Variants in LRRC4C observed in about 807,000 individuals in gnomAD.
The protein encoded by LRRC4C is leucine rich repeat containing 4C, also known as leucine-rich repeat-containing protein 4C.
A neutral mutation model predicts 33.6 loss-of-function variants in LRRC4C; 5 were observed. The ratio of observed to expected loss-of-function variants is 0.15; its 90% CI spans 0.08 to 0.31. The LOEUF is 0.31. LRRC4C is among the 10% of genes least tolerant of loss of function. The probability of loss-of-function intolerance (pLI) is 1.00; values close to 1 mark genes in which losing one functional copy is unlikely to be tolerated. For missense variants in LRRC4C, 560 were observed against 796.7 expected, an observed-to-expected ratio of 0.70 and a Z score of 3.58; for synonymous variants, 329 against 302.0, an observed-to-expected ratio of 1.09 and a Z score of -0.93.
intron 1 of LRRC4C, among the ~76,000 whole-genome samples, chr11:41,298,483 A>G (rs902326441): frequency 1.3e-5 from 2 of 152,128 alleles, no homozygotes; most frequent in Non-Finnish European, 2.9e-5. Context: ...AATTGTTAAG[A>G]AAGAAACAGA....
intron 2 of LRRC4C, among the ~76,000 whole-genome samples, chr11:40,791,793 G>T (rs1308696715): frequency 6.6e-6 from 1 of 152,128 alleles, no homozygotes; most frequent in African/African-American, 2.4e-5. Flanking sequence ...GACAGAGAAT[G>T]GATCAGGTTC....
At chr11:41,329,224 C>T (rs1432500668) in intron 1 of LRRC4C, among the ~76,000 whole-genome samples, 1 of 152,036 alleles carries the variant, frequency 6.6e-6, no homozygotes, top group Non-Finnish European at 1.5e-5. Flanking sequence ...GTGACTCTGC[C>T]CCTTCCCTTA....
At chr11:40,162,403 G>T (rs1196222533) in intron 5 of LRRC4C, among the ~76,000 whole-genome samples, 2 of 152,092 alleles carry the variant, frequency 1.3e-5, no homozygotes, top group African/African-American at 4.8e-5. Flanking sequence ...TAAATAAATT[G>T]CTTCCTCTAG....
chr11:41,094,881 T>C (rs970071692), intron 1 of LRRC4C, among the ~76,000 whole-genome samples: 2 of 152,214 alleles, frequency 1.3e-5, no homozygotes, highest in African/African-American at 2.4e-5. Flanking sequence ...GATCCCTATT[T>C]CATTCTGTCT....
At chr11:40,561,810 T>C (rs1487122659) in intron 3 of LRRC4C, among the ~76,000 whole-genome samples, 1 of 152,192 alleles carries the variant, frequency 6.6e-6, no homozygotes. Context: ...ATTTAACAAA[T>C]TATTGATTGA....
At chr11:41,030,661 C>A (rs1856668328) in intron 1 of LRRC4C, among the ~76,000 whole-genome samples, 1 of 151,756 alleles carries the variant, frequency 6.6e-6, no homozygotes, top group South Asian at 2.1e-4. Context: ...AAATAGTAGA[C>A]CTTGTTTTCT....
intron 1 of LRRC4C, among the ~76,000 whole-genome samples, chr11:41,293,758 C>A (rs1297607696): frequency 1.3e-5 from 2 of 151,852 alleles, no homozygotes; most frequent in Non-Finnish European, 2.9e-5. Flanking sequence ...CCATCATGTC[C>A]AGCTAATTTT....
chr11:40,451,299 T>C (rs1951871898), intron 3 of LRRC4C, among the ~76,000 whole-genome samples: 1 of 134,524 alleles, frequency 7.4e-6, no homozygotes, highest in Non-Finnish European at 1.6e-5. Flanking sequence ...AAAAAAGAAA[T>C]AAGACTCAAA....
chr11:41,260,529 C>G (rs1321148558), intron 1 of LRRC4C, among the ~76,000 whole-genome samples: 2 of 151,832 alleles, frequency 1.3e-5, no homozygotes, highest in Non-Finnish European at 2.9e-5. Context: ...TCTTTACTTC[C>G]TCTAAGACCC....
intron 3 of LRRC4C, among the ~76,000 whole-genome samples, chr11:40,485,248 G>GAC (rs61129430): frequency 0.34 from 51,584 of 150,552 alleles, 9,392 homozygotes; most frequent in East Asian, 0.58. Context: ...TGATAAGAGG[G>GAC]ACACACACAC....
chr11:41,018,769 G>A (rs1258845553), intron 1 of LRRC4C, among the ~76,000 whole-genome samples: 1 of 152,104 alleles, frequency 6.6e-6, no homozygotes, highest in Non-Finnish European at 1.5e-5. Flanking sequence ...TCCAATGCAG[G>A]TGACTCTGCG....
chr11:40,929,108 C>T (rs1167386628), intron 2 of LRRC4C, among the ~76,000 whole-genome samples: 2 of 151,952 alleles, frequency 1.3e-5, no homozygotes, highest in Non-Finnish European at 2.9e-5. Flanking sequence ...GGAAGAAGTC[C>T]AATTCTATTG....
At chr11:40,429,008 G>A (rs1950815378) in intron 3 of LRRC4C, among the ~76,000 whole-genome samples, 1 of 152,120 alleles carries the variant, frequency 6.6e-6, no homozygotes, top group Non-Finnish European at 1.5e-5. Context: ...GGAAAATTGG[G>A]TGGTTTTATT....
chr11:41,364,843 C>T (rs2922047), intron 1 of LRRC4C, among the ~76,000 whole-genome samples: 63,848 of 151,900 alleles, frequency 0.42, 14,208 homozygotes, highest in Non-Finnish European at 0.49. Context: ...AATAAAATCC[C>T]CAAATGAAAC....
intron 1 of LRRC4C, among the ~76,000 whole-genome samples, chr11:41,186,368 C>G (rs1431709424): frequency 3.9e-5 from 6 of 151,958 alleles, no homozygotes. Flanking sequence ...GAAAATATAA[C>G]AGAGAAAAAT....
intron 1 of LRRC4C, among the ~76,000 whole-genome samples, chr11:41,325,566 G>GTTTTTTTTTT (rs71466927): frequency 9.4e-6 from 1 of 106,534 alleles, no homozygotes; most frequent in African/African-American, 3.9e-5. Flanking sequence ...TGTCCTTATA[G>GTTTTTTTTTT]TTTTTTTTTT....
chr11:40,203,907 A>G (rs1366248441), intron 5 of LRRC4C, among the ~76,000 whole-genome samples: 2 of 152,158 alleles, frequency 1.3e-5, no homozygotes, highest in African/African-American at 4.8e-5. Flanking sequence ...TGAGATCTTT[A>G]AGATATTTTA....
At chr11:41,379,560 C>G (rs1215548003) in intron 1 of LRRC4C, among the ~76,000 whole-genome samples, 1 of 152,006 alleles carries the variant, frequency 6.6e-6, no homozygotes, top group Non-Finnish European at 1.5e-5. Flanking sequence ...AGTTAAGTAT[C>G]ATAAAATAGC....
At chr11:41,256,444 A>G (rs114760386) in intron 1 of LRRC4C, among the ~76,000 whole-genome samples, 2,162 of 152,050 alleles carry the variant, frequency 0.014, 60 homozygotes, top group African/African-American at 0.049. Context: ...CAACCATTCC[A>G]AACATCAACT....
Sources: gnomAD v4.1 joint callset for allele counts (sites outside exome capture counted in the v4.1 genomes callset) on GRCh38, gnomAD v4.1.1 for gene constraint, MANE v1.5 for transcripts, NCBI Gene and HGNC (gene_info 2026-07-23, HGNC 2026-07-21) for gene names.